The following ESCO2 variants were observed in gnomAD, a reference collection of about 807,000 sequenced individuals.
The protein encoded by ESCO2 is N-acetyltransferase ESCO2.
A neutral mutation model predicts 61.7 loss-of-function variants in ESCO2; 51 were observed. That is an observed-to-expected ratio of 0.83 (90% CI 0.66 to 1.04). The LOEUF (loss-of-function observed/expected upper bound fraction) is 1.04, where lower values mean the gene tolerates loss of function less well. Among genes scored for constraint, ESCO2 ranks in the 50% least tolerant of loss-of-function variants. ESCO2 has a pLI of 0.00. For synonymous variants in ESCO2, 230 were observed against 238.2 expected (o/e 0.97, Z 0.32); for missense variants, 692 against 686.2 (o/e 1.01, Z -0.09).
chr8:27,819,133 TTCC>T, the ESCO2 span, among the ~76,000 whole-genome samples: 3 of 152,306 alleles, frequency 2.0e-5, no homozygotes, highest in Admixed American at 6.5e-5. Flanking sequence ...CTCAGGAAGA[TTCC>T]TCCTCCTTTC....
At position 27,804,835 on chromosome 8, in the gene ESCO2, T is replaced by C; in HGVS notation, c.*1397T>C. On this transcript the variant is annotated 3_prime_UTR_variant, in exon 11 of 11. Transcript: ENST00000305188. ...TTTCTTTTAAATATTTTATTTAAAA[T>C]TTTTAATTAACATTTTGTTTGCTTA... 1 of 880,362 alleles carries C rather than the reference T, an allele frequency of 1.1e-6. No homozygotes were observed. Among genetic ancestry groups the C allele is most frequent in the Non-Finnish European group, 1.4e-6 (1 of 733,838 alleles). 54.5% of individuals were successfully genotyped at this position (880,362 alleles called of 1,614,324 possible).
chr8:27,777,221 T>C (rs746538314), intron 3 of ESCO2, 52 bp downstream of exon 3: 6 of 1,509,684 alleles, frequency 4.0e-6, no homozygotes, highest in Non-Finnish European at 5.4e-6. Context: ...AACTTCAGTA[T>C]AAATGACATA....
At chr8:27,787,478 C>T (rs555350928) in intron 5 of ESCO2, among the ~76,000 whole-genome samples, 61 of 152,120 alleles carry the variant, frequency 4.0e-4, no homozygotes, top group Non-Finnish European at 8.1e-4. Flanking sequence ...CAGTATTATA[C>T]TTATTTTCTC....
intron 9 of ESCO2, among the ~76,000 whole-genome samples, chr8:27,794,273 T>C (rs1805245937): frequency 6.6e-6 from 1 of 152,236 alleles, no homozygotes; most frequent in South Asian, 2.1e-4. Context: ...TTGCTGCATA[T>C]GGTAGTTGCA....
chr8:27,780,537 C>G (rs999952094), intron 4 of ESCO2, among the ~76,000 whole-genome samples: 5 of 152,202 alleles, frequency 3.3e-5, no homozygotes, highest in African/African-American at 9.6e-5. Context: ...CTTAAGCTCT[C>G]TAGAGTTGAG....
intron 9 of ESCO2, among the ~76,000 whole-genome samples, chr8:27,799,213 T>C (rs1187950443): frequency 6.6e-6 from 1 of 152,158 alleles, no homozygotes; most frequent in Non-Finnish European, 1.5e-5. Context: ...ACTGGTTTCT[T>C]TAGGTGGTCA....
upstream of ESCO2, chr8:27,772,644 C>A: frequency 9.0e-7 from 1 of 1,109,160 alleles, no homozygotes; most frequent in Non-Finnish European, 1.3e-6. Context: ...CGGAACTCCT[C>A]CGTGCACTTC....
intron 10 of ESCO2, among the ~76,000 whole-genome samples, chr8:27,802,766 A>T (rs1249204500): frequency 7.2e-6 from 1 of 138,442 alleles, no homozygotes; most frequent in Admixed American, 7.3e-5. Flanking sequence ...TTTTTGATTG[A>T]GTTGGAGTCT....
intron 10 of ESCO2, among the ~76,000 whole-genome samples, chr8:27,800,972 A>G (rs975913650): frequency 6.6e-6 from 1 of 152,174 alleles, no homozygotes; most frequent in African/African-American, 2.4e-5. Context: ...AATAATGAGT[A>G]CGGGGTTTGG....
At chr8:27,773,970 G>A (rs1343806035), upstream of ESCO2, among the ~76,000 whole-genome samples, 1 of 152,182 alleles carries the variant, frequency 6.6e-6, no homozygotes, top group Non-Finnish European at 1.5e-5. Context: ...AGATATTAAT[G>A]CCTTACAGAT....
Position 27,788,928 on chromosome 8 carries a change from A to T in ESCO2, c.1213A>T (p.Met405Leu). 6.2e-7 allele frequency: 1 copy of T among 1,614,098 alleles called. No homozygotes were observed. The highest frequency in any genetic ancestry group is 8.5e-7 in the Non-Finnish European group (1 of 1,180,006). ...IYTASNPEDE[M>L]QHVQHHHRFL... ...TACTGCTTCCAACCCTGAAGATGAA[A>T]TGCAGCATGTACAGCATCACCACAG... Residue 405 changes from methionine (M) to leucine (L), a missense_variant, in exon 7 of 11, where the codon ATG becomes TTG. Physicochemically the swap from Met to Leu is conservative, Grantham distance 15. Transcript: ENST00000305188.
chr8:27,789,348 A>G (rs1485823237), intron 7 of ESCO2, among the ~76,000 whole-genome samples: 1 of 152,150 alleles, frequency 6.6e-6, no homozygotes, highest in African/African-American at 2.4e-5. Context: ...TATCTTTATG[A>G]TTGTACCTGC....
At chr8:27,811,085 T>C, downstream of ESCO2, 2 of 1,613,694 alleles carry the variant, frequency 1.2e-6, no homozygotes, top group Non-Finnish European at 1.7e-6. Context: ...CCACAGCTTC[T>C]TTGGGTTTCC....
In ESCO2 at chr8:27,799,611, A is replaced by C; in HGVS notation, c.1568A>C (p.Gln523Pro). The change falls in exon 10 of 11, where the codon CAA becomes CCA. Residue 523 changes from glutamine to proline, a missense_variant. Physicochemically the swap from Gln to Pro is moderately conservative, Grantham distance 76 (BLOSUM62 -1). Transcript: ENST00000305188. ...TCTACGGAATGTCCTAGGGCTTGGC[A>C]ATGTTCAGATGTACCAGAACCTGCA... The part of the protein sequence containing the change: ...PSSTECPRAW[Q>P]CSDVPEPAVC... 1 of 1,613,946 alleles carries C rather than the reference A, an allele frequency of 6.2e-7. No homozygotes were observed. The highest frequency in any genetic ancestry group is 8.5e-7 in the Non-Finnish European group (1 of 1,179,980).
chr8:27,784,724 C>G (rs1257394418), intron 5 of ESCO2, among the ~76,000 whole-genome samples: 2 of 152,146 alleles, frequency 1.3e-5, no homozygotes, highest in Non-Finnish European at 2.9e-5. Flanking sequence ...GGCGGCAGAG[C>G]TCTGAAAAAG....
rs62498042 is a variant in ESCO2, at chr8:27,803,568, G to T, written c.*130G>T. 1 of 1,219,532 alleles carries T rather than the reference G, an allele frequency of 8.2e-7. No individual in the cohort carries two copies. The highest frequency in any genetic ancestry group is 1.1e-6 in the Non-Finnish European group (1 of 940,070). 75.5% of individuals were successfully genotyped at this position (1,219,532 alleles called of 1,614,324 possible). On this transcript the variant is annotated 3_prime_UTR_variant, in exon 11 of 11. Transcript: ENST00000305188. ...CACTCATACACACACACACACACAC[G>T]CACACACACATATCACAGTTTTGTT... is the stretch of plus-strand genomic sequence containing the variant.
chr8:27,775,358 T>G, intron 1 of ESCO2, 141 bp from the exon 2 acceptor site: 1 of 731,334 alleles, frequency 1.4e-6, no homozygotes, highest in Admixed American at 2.1e-5. Flanking sequence ...CTTGGAGGGG[T>G]GGAAGGAGAG....
intron 6 of ESCO2, among the ~76,000 whole-genome samples, chr8:27,788,484 C>T (rs559689917): frequency 6.6e-6 from 1 of 151,866 alleles, no homozygotes; most frequent in South Asian, 2.1e-4. Context: ...TCAAATAATT[C>T]CCTTTCATCA....
At chr8:27,797,128 G>A (rs560606873) in intron 9 of ESCO2, among the ~76,000 whole-genome samples, 101 of 145,140 alleles carry the variant, frequency 7.0e-4, no homozygotes, top group Non-Finnish European at 1.1e-3. Context: ...GAAAAAAAAA[G>A]TTCATTTCCT....
Sources: gnomAD v4.1 joint callset for allele counts (sites outside exome capture counted in the v4.1 genomes callset) on GRCh38, gnomAD v4.1.1 for gene constraint, MANE v1.5 for transcripts, NCBI Gene and HGNC (gene_info 2026-07-23, HGNC 2026-07-21) for gene names.